Variants in UBAC2 observed in about 807,000 individuals in gnomAD.
The protein encoded by UBAC2 is ubiquitin-associated domain-containing protein 2.
A neutral mutation model predicts 44.0 loss-of-function variants in UBAC2; 26 were observed. The ratio of observed to expected loss-of-function variants is 0.59; its 90% CI spans 0.43 to 0.82. The LOEUF (loss-of-function observed/expected upper bound fraction) is 0.82. Among genes scored for constraint, UBAC2 ranks in the 40% least tolerant of loss-of-function variants. UBAC2 has a pLI of 0.00. For synonymous variants in UBAC2, 155 were observed against 154.3 expected, an observed-to-expected ratio of 1.00 and a Z score of -0.04; for missense variants, 329 against 419.4, an observed-to-expected ratio of 0.78 and a Z score of 1.88.
chr13:99,310,151 A>G (rs2044392968), intron 4 of UBAC2, among the ~76,000 whole-genome samples: 1 of 152,082 alleles, frequency 6.6e-6, no homozygotes, highest in South Asian at 2.1e-4. Flanking sequence ...ACACAGCGAG[A>G]CCCTGTTTCT....
chr13:99,206,469 G>T (rs1419539204), intron 1 of UBAC2, among the ~76,000 whole-genome samples: 4 of 152,206 alleles, frequency 2.6e-5, no homozygotes, highest in Non-Finnish European at 5.9e-5. Context: ...CCGCTTCCCT[G>T]GCTTTGCTCA....
chr13:99,231,532 C>T lies in UBAC2; in HGVS notation c.32-6895C>T, dbSNP rs575382805. 2.6e-5 allele frequency: 4 copies of T among 151,236 alleles called. No homozygotes were observed. The South Asian group carries it at 8.4e-4, about 32-fold the overall frequency. The allele number at this position is 151,236 out of a possible 1,614,324, so 9.4% of individuals were successfully genotyped here. A position where few individuals can be genotyped will look rare whatever the true frequency, so the allele number is the denominator to read the frequency against. ...GGTTCAAGTGAGTCTCCCACCTCAGCCTCCCGAGTAGCTGGGACTACAGGC... is the reference window on the plus strand; with the variant it reads ...GGTTCAAGTGAGTCTCCCACCTCAGTCTCCCGAGTAGCTGGGACTACAGGC... On this transcript the variant is annotated intron_variant, in intron 1 of 8. Transcript: ENST00000403766.
At chr13:99,379,851 C>T (rs1191092763) in intron 8 of UBAC2, among the ~76,000 whole-genome samples, 3 of 152,192 alleles carry the variant, frequency 2.0e-5, no homozygotes, top group Admixed American at 1.3e-4. Flanking sequence ...CACTGTTACC[C>T]AGAGGGTATC....
intron 8 of UBAC2, among the ~76,000 whole-genome samples, chr13:99,384,945 G>A (rs2045601001): frequency 6.6e-6 from 1 of 152,240 alleles, no homozygotes; most frequent in South Asian, 2.1e-4. Flanking sequence ...CTGCTTCCAA[G>A]GCCTGGTCCC....
At chr13:99,274,486 G>A (rs2043857827) in intron 4 of UBAC2, among the ~76,000 whole-genome samples, 1 of 147,734 alleles carries the variant, frequency 6.8e-6, no homozygotes, top group East Asian at 2.2e-4. Context: ...CACCAGGACT[G>A]GCTAGTTTTT....
chr13:99,301,533 ATG>A (rs1338439784), intron 4 of UBAC2, among the ~76,000 whole-genome samples: 1 of 152,150 alleles, frequency 6.6e-6, no homozygotes, highest in Non-Finnish European at 1.5e-5. Context: ...TTTCTCTAGA[ATG>A]TATTTCATTG....
intron 6 of UBAC2, among the ~76,000 whole-genome samples, chr13:99,329,673 G>C (rs1447461645): frequency 1.3e-5 from 2 of 152,114 alleles, no homozygotes; most frequent in African/African-American, 4.8e-5. Context: ...GCCAACAATC[G>C]TGGCCTCCTG....
At chr13:99,375,636 C>T (rs1454525306) in intron 8 of UBAC2, among the ~76,000 whole-genome samples, 1 of 152,100 alleles carries the variant, frequency 6.6e-6, no homozygotes, top group Non-Finnish European at 1.5e-5. Context: ...TAAAGAAAAC[C>T]ACACTCTAGT....
rs796096988 is a variant in UBAC2, at chr13:99,380,126, CAT to C, written c.928-5101_928-5100del. ...CCTGCATTTTGACTGCAGCCCATCA[CAT>C]GAGGTCAGGTGTGGAACTTGCCATT... On this transcript the variant is annotated intron_variant, in intron 8 of 8. Coordinates refer to ENST00000403766, the MANE Select transcript of UBAC2 (RefSeq NM_001144072.2). Among the ~76,000 whole-genome samples, 12 of 152,298 alleles carry C rather than the reference CAT, an allele frequency of 7.9e-5. No individual in the cohort carries two copies. The South Asian group carries it at 1.7e-3, about 21-fold the overall frequency.
intron 5 of UBAC2, among the ~76,000 whole-genome samples, chr13:99,315,329 G>A (rs192911639): frequency 9.2e-5 from 14 of 152,234 alleles, no homozygotes; most frequent in African/African-American, 2.9e-4. Flanking sequence ...TGTGGAATTC[G>A]AAGAGCACTC....
intron 4 of UBAC2, among the ~76,000 whole-genome samples, chr13:99,265,762 A>G (rs2043735853): frequency 2.0e-5 from 3 of 152,356 alleles, no homozygotes; most frequent in African/African-American, 7.2e-5. Context: ...CCATGTCTCA[A>G]AAAATGAATG....
chr13:99,235,452 C>T (rs1166536106), intron 1 of UBAC2, among the ~76,000 whole-genome samples: 1 of 152,048 alleles, frequency 6.6e-6, no homozygotes, highest in African/African-American at 2.4e-5. Flanking sequence ...TATGGAAACA[C>T]AAAAGATTCT....
At chr13:99,262,909 A>G (rs1016094083) in intron 4 of UBAC2, among the ~76,000 whole-genome samples, 1 of 152,006 alleles carries the variant, frequency 6.6e-6, no homozygotes, top group Non-Finnish European at 1.5e-5. Flanking sequence ...GTTACTTAGG[A>G]TTTTTTATTA....
At chr13:99,290,395 G>C (rs1348807730) in intron 4 of UBAC2, among the ~76,000 whole-genome samples, 1 of 152,072 alleles carries the variant, frequency 6.6e-6, no homozygotes, top group African/African-American at 2.4e-5. Flanking sequence ...GGTGTGCCAA[G>C]GCCAGTGTCT....
intron 4 of UBAC2, chr13:99,296,226 T>C (rs978023555): frequency 3.3e-5 from 45 of 1,375,618 alleles, no homozygotes; most frequent in Non-Finnish European, 4.1e-5. Flanking sequence ...GATTACTCAT[T>C]AGTTTTAAAA....
intron 6 of UBAC2, among the ~76,000 whole-genome samples, chr13:99,320,400 C>T (rs1252873901): frequency 6.6e-6 from 1 of 152,040 alleles, no homozygotes; most frequent in East Asian, 1.9e-4. Context: ...AATAGAATTA[C>T]AGTGTGTTTG....
At chr13:99,291,823 G>A (rs1477004285) in intron 4 of UBAC2, among the ~76,000 whole-genome samples, 1 of 152,064 alleles carries the variant, frequency 6.6e-6, no homozygotes, top group Non-Finnish European at 1.5e-5. Flanking sequence ...TTTCAGTAGG[G>A]CTTTAGAATT....
chr13:99,299,814 C>A (rs1181745665), intron 4 of UBAC2, among the ~76,000 whole-genome samples: 1 of 152,166 alleles, frequency 6.6e-6, no homozygotes, highest in African/African-American at 2.4e-5. Context: ...TACCCCTTAT[C>A]TACTTCGCAG....
At chr13:99,328,173 TTTA>T (rs1165799021) in intron 6 of UBAC2, among the ~76,000 whole-genome samples, 9 of 152,284 alleles carry the variant, frequency 5.9e-5, no homozygotes, top group African/African-American at 1.9e-4. Context: ...TAATTTTTCA[TTTA>T]TTATTGTATT....
Sources: gnomAD v4.1 joint callset for allele counts (sites outside exome capture counted in the v4.1 genomes callset) on GRCh38, gnomAD v4.1.1 for gene constraint, MANE v1.5 for transcripts, NCBI Gene and HGNC (gene_info 2026-07-23, HGNC 2026-07-21) for gene names.